NAT9: variants seen among roughly 807,000 people sequenced by gnomAD.
The protein encoded by NAT9 is alpha/beta-tubulin-N-acetyltransferase 9.
NAT9 carries 18 observed loss-of-function variants against 24.0 expected under a neutral mutation model. The ratio of observed to expected loss-of-function variants is 0.75; its 90% CI spans 0.52 to 1.11. The LOEUF is 1.11. Ranked by LOEUF, NAT9 falls within the 50% of genes most tolerant of loss-of-function variation. The probability of loss-of-function intolerance (pLI) is 0.00; values close to 1 mark genes in which losing one functional copy is unlikely to be tolerated. For synonymous variants in NAT9, 104 were observed against 102.3 expected (o/e 1.02, Z -0.10); for missense variants, 254 against 258.6 (o/e 0.98, Z 0.12).
Position 74,771,275 on chromosome 17 carries a change from GGCTCGTGGTA to G in NAT9, c.*439_*448del. The G allele has an allele frequency of 5.1e-6, 1 of 197,132 alleles. No individual in the cohort carries two copies. The highest frequency in any genetic ancestry group is 1.1e-5 in the Non-Finnish European group (1 of 93,154). 12.2% of individuals were successfully genotyped at this position (197,132 alleles called of 1,614,324 possible). On this transcript the variant is annotated 3_prime_UTR_variant, in exon 7 of 7. Transcript: ENST00000357814. ...CCTTGAGTGGACACTGTGAGGCTGG[GGCTCGTGGTA>G]GCTCTTCACATGGACCAAACGGGAA...
Position 74,775,637 on chromosome 17 carries a change from G to A in NAT9, c.62C>T (p.Ser21Leu). The A allele has an allele frequency of 6.2e-7, 1 of 1,613,950 alleles. No homozygotes were observed. Among genetic ancestry groups the A allele is most frequent in the Non-Finnish European group, 8.5e-7 (1 of 1,179,884 alleles). ...GKKVVLVPYT[S>L]EHVPSRYHEW... ...GGAAAGATACCTGGGCACATGCTCC[G>A]AGGTGTAGGGTACAAGGACCACCTT... The change falls in exon 2 of 7, where the codon TCG becomes TTG. Residue 21 changes from serine (S) to leucine (L), a missense_variant. Coordinates refer to ENST00000357814, the MANE Select transcript of NAT9 (RefSeq NM_015654.5).
rs377380431 is a variant in NAT9, at chr17:74,772,057, C to A, written c.395-3G>T. 1 of 1,614,038 alleles carries A rather than the reference C, an allele frequency of 6.2e-7. No homozygotes were observed. The highest frequency in any genetic ancestry group is 2.2e-5 in the East Asian group (1 of 44,892). ...GGTCAGACCTAGCGTGGTCACTCCT[C>A]GCAGAGGAGATGAGACAGGGGCAAG... On this transcript the variant is annotated splice_region_variant and splice_polypyrimidine_tract_variant and intron_variant, in intron 5 of 6. Transcript: ENST00000357814.
At position 74,776,268 on chromosome 17, in the gene NAT9, T is replaced by G. The variant is rs1176091811; in HGVS notation, c.-11A>C. On this transcript the variant is annotated splice_region_variant and 5_prime_UTR_variant, in exon 1 of 7. Transcript: ENST00000357814. ...GGGTACTGCCAAGCTCACACCCACC[T>G]ACCACCGACGAAATCGTCCCCCGCA... 6.6e-6 allele frequency: 1 copy of G among 152,586 alleles called. No homozygotes were observed. Among genetic ancestry groups the G allele is most frequent in the Non-Finnish European group, 1.5e-5 (1 of 68,350 alleles). The allele number at this position is 152,586 out of a possible 1,614,324, so 9.5% of individuals were successfully genotyped here. A position where few individuals can be genotyped will look rare whatever the true frequency, so the allele number is the denominator to read the frequency against.
chr17:74,774,439 A>G lies in NAT9; in HGVS notation c.78-751T>C, dbSNP rs1289655892. Among the ~76,000 whole-genome samples, 3 of 138,680 alleles carry G rather than the reference A, an allele frequency of 2.2e-5. No individual in the cohort carries two copies. The Admixed American group carries it at 2.2e-4, about 10-fold the overall frequency. The allele number at this position is 138,680 out of a possible 152,430, so 91.0% of individuals were successfully genotyped here. A position where few individuals can be genotyped will look rare whatever the true frequency, so the allele number is the denominator to read the frequency against. On this transcript the variant is annotated intron_variant, in intron 2 of 6. Coordinates refer to ENST00000357814, the MANE Select transcript of NAT9 (RefSeq NM_015654.5). ...TTTTTTTTTTTTTTTTTTGAGACAG[A>G]GTTTTACTCTTGTTGCCCAGGCTGG... is the stretch of plus-strand genomic sequence containing the variant.
At chr17:74,774,401 A>G (rs980063549) in intron 2 of NAT9, among the ~76,000 whole-genome samples, 3 of 148,452 alleles carry the variant, frequency 2.0e-5, no homozygotes, top group Non-Finnish European at 4.5e-5. Context: ...CACAGTCCCC[A>G]GGTTCTGCTA....
At chr17:74,772,421 G>A (rs1223621553) in intron 4 of NAT9, 144 bp from the exon 5 acceptor site, 18 of 1,429,386 alleles carry the variant, frequency 1.3e-5, no homozygotes, top group Non-Finnish European at 1.7e-5. Flanking sequence ...CAGGCACAAA[G>A]AAGTGTGAAA....
intron 4 of NAT9, 120 bp downstream of exon 4, chr17:74,772,776 C>T (rs2035403316): frequency 6.9e-7 from 1 of 1,459,232 alleles, no homozygotes; most frequent in Non-Finnish European, 9.3e-7. Context: ...AGGCCCTGGA[C>T]TCACCACATG....
chr17:74,772,406 G>C, intron 4 of NAT9, 129 bp from the exon 5 acceptor site: 1 of 1,442,958 alleles, frequency 6.9e-7, no homozygotes, highest in Non-Finnish European at 9.2e-7. Context: ...CTGCAGACGA[G>C]GAAACAGGCA....
chr17:74,772,207 C>T lies in NAT9; in HGVS notation c.394+11G>A. Reference sequence around the variant, plus strand: ...GCCCACTTCCCGCATTGTCTGCTCACACTTTCTTACCGTAAGACAGCATCG... The same window carrying T: ...GCCCACTTCCCGCATTGTCTGCTCATACTTTCTTACCGTAAGACAGCATCG... On this transcript the variant is annotated intron_variant, in intron 5 of 6. Transcript: ENST00000357814. The T allele has an allele frequency of 1.2e-6, 2 of 1,614,254 alleles. No homozygotes were observed. The highest frequency in any genetic ancestry group is 1.1e-5 in the South Asian group (1 of 91,088).
At chr17:74,775,497 C>T in intron 2 of NAT9, 125 bp downstream of exon 2, 3 of 774,326 alleles carry the variant, frequency 3.9e-6, no homozygotes, top group Non-Finnish European at 5.7e-6. Flanking sequence ...CCTTTTTTCC[C>T]CCCTCATATA....
intron 2 of NAT9, among the ~76,000 whole-genome samples, chr17:74,774,530 C>T (rs1272440860): frequency 6.7e-6 from 1 of 149,878 alleles, no homozygotes; most frequent in Non-Finnish European, 1.5e-5. Context: ...CGGGGTTTCT[C>T]CACGTTGATC....
intron 2 of NAT9, among the ~76,000 whole-genome samples, chr17:74,774,332 A>C (rs2144225307): frequency 6.6e-6 from 1 of 152,262 alleles, no homozygotes; most frequent in East Asian, 1.9e-4. Context: ...TCCTTGCTGA[A>C]AGGCCAAAAA....
At chr17:74,773,273 C>G in intron 3 of NAT9, 1 of 599,740 alleles carries the variant, frequency 1.7e-6, no homozygotes. Context: ...CAGAGGAGGG[C>G]AGTCACCACA....
chr17:74,772,431 A>G (rs1271358516), intron 4 of NAT9, 154 bp from the exon 5 acceptor site: 2 of 1,418,612 alleles, frequency 1.4e-6, no homozygotes, highest in South Asian at 2.8e-5. Context: ...GAAGTGTGAA[A>G]GGCCTCACAG....
At chr17:74,774,551 C>CTCT (rs1555603915) in intron 2 of NAT9, among the ~76,000 whole-genome samples, 13 of 130,154 alleles carry the variant, frequency 1.0e-4, no homozygotes, top group South Asian at 2.4e-4. Context: ...AGGCTGGTCT[C>CTCT]TTTTTTTTTT....
chr17:74,773,034 T>C lies in NAT9; in HGVS notation c.196A>G (p.Thr66Ala). 1 of 1,613,636 alleles carries C rather than the reference T, an allele frequency of 6.2e-7. No homozygotes were observed. Among genetic ancestry groups the C allele is most frequent in the Non-Finnish European group, 8.5e-7 (1 of 1,179,908 alleles). Residue 66 changes from threonine to alanine, a missense_variant, in exon 4 of 7, where the codon ACC becomes GCC. Coordinates refer to ENST00000357814, the MANE Select transcript of NAT9 (RefSeq NM_015654.5). ...CSWQEDADKCTFIVLDAEKWQ... is the reference protein window; with the variant it reads ...CSWQEDADKCAFIVLDAEKWQ... ...TTCTCGGCATCCAGCACAATGAAGG[T>C]ACACTCTGAGGAGGAGGTGACAGGG...
At chr17:74,772,415 C>A (rs1282689451) in intron 4 of NAT9, 138 bp from the exon 5 acceptor site, 2 of 1,432,542 alleles carry the variant, frequency 1.4e-6, no homozygotes, top group African/African-American at 2.9e-5. Context: ...AGGAAACAGG[C>A]ACAAAGAAGT....
chr17:74,773,715 T>C (rs368147865), intron 2 of NAT9, 27 bp from the exon 3 acceptor site: 5 of 1,594,986 alleles, frequency 3.1e-6, no homozygotes, highest in East Asian at 2.2e-5. Context: ...GCTTTAGACA[T>C]GGAGGACTCA....
rs1402073374 is a variant in NAT9 at position 74,773,625 on chromosome 17, G to A, written c.141C>T (p.Thr47=). 1 of 1,613,992 alleles carries A rather than the reference G, an allele frequency of 6.2e-7. No homozygotes were observed. The highest frequency in any genetic ancestry group is 1.3e-5 in the African/African-American group (1 of 74,914). ...ACTGCATGGCATACTCCTGCTCCAG[G>A]GTCAGCGGCTCCGAGGCTGTCAAAC... is the stretch of plus-strand genomic sequence containing the variant. The part of the protein sequence containing the change: ...LQRLTASEPL[T]LEQEYAMQCS... The change falls in exon 3 of 7, where the codon ACC becomes ACT. Residue 47 remains threonine (T), a synonymous_variant. Coordinates refer to ENST00000357814, the MANE Select transcript of NAT9 (RefSeq NM_015654.5).
Sources: allele counts gnomAD v4.1 joint callset (sites outside exome capture counted in the v4.1 genomes callset), GRCh38; gene constraint gnomAD v4.1.1; transcripts MANE v1.5; gene names NCBI Gene and HGNC (gene_info 2026-07-23, HGNC 2026-07-21).